Variants in OR9Q1 observed in about 807,000 individuals in gnomAD.
OR9Q1 encodes the protein olfactory receptor family 9 subfamily Q member 1, also known as olfactory receptor 9Q1.
For missense variants in OR9Q1, 374 were observed against 378.8 expected, an observed-to-expected ratio of 0.99 and a Z score of 0.11; for synonymous variants, 153 against 148.6, an observed-to-expected ratio of 1.03 and a Z score of -0.22.
At chr11:58,060,087 C>T (rs1853365984) in intron 2 of OR9Q1, 1 of 152,290 alleles carries the variant, frequency 6.6e-6, no homozygotes, top group African/African-American at 2.4e-5. Context: ...GTATTCATTT[C>T]TCCCTGCTTA....
At chr11:58,143,801 A>G (rs1854273588) in intron 2 of OR9Q1, among the ~76,000 whole-genome samples, 1 of 152,138 alleles carries the variant, frequency 6.6e-6, no homozygotes, top group African/African-American at 2.4e-5. Context: ...AACCACCATG[A>G]CACACATTTA....
chr11:58,119,766 G>A (rs1012855666), intron 2 of OR9Q1, among the ~76,000 whole-genome samples: 2 of 152,118 alleles, frequency 1.3e-5, no homozygotes, highest in African/African-American at 2.4e-5. Context: ...ATCTGGGGCT[G>A]GAGTCTCACT....
intron 2 of OR9Q1, chr11:58,078,173 A>C (rs1005214968): frequency 6.6e-6 from 1 of 152,236 alleles, no homozygotes; most frequent in Non-Finnish European, 1.5e-5. Flanking sequence ...AAGAAAAACA[A>C]CAACGACGAC....
At chr11:58,175,526 G>A (rs895336949) in intron 2 of OR9Q1, among the ~76,000 whole-genome samples, 16 of 152,104 alleles carry the variant, frequency 1.1e-4, no homozygotes, top group Non-Finnish European at 1.6e-4. Flanking sequence ...TATCCCCATA[G>A]TAGAGGGAAT....
chr11:58,170,867 T>A (rs762871180), intron 2 of OR9Q1, among the ~76,000 whole-genome samples: 1 of 152,210 alleles, frequency 6.6e-6, no homozygotes, highest in Non-Finnish European at 1.5e-5. Flanking sequence ...TATGTCTTTA[T>A]CAGCAGCATG....
At chr11:58,076,692 G>C (rs1011196863) in intron 2 of OR9Q1, among the ~76,000 whole-genome samples, 10 of 151,912 alleles carry the variant, frequency 6.6e-5, no homozygotes, top group African/African-American at 2.2e-4. Flanking sequence ...TCACTTTATT[G>C]CCAAGGCTGG....
intron 2 of OR9Q1, among the ~76,000 whole-genome samples, chr11:58,110,132 C>T (rs1478254331): frequency 1.3e-5 from 2 of 152,124 alleles, no homozygotes; most frequent in African/African-American, 4.8e-5. Flanking sequence ...TGGCAGAGCT[C>T]TTTATGTGAT....
chr11:58,153,565 T>C lies in OR9Q1; in HGVS notation c.-14-25866T>C, dbSNP rs545959650. Reference sequence around the variant, plus strand: ...ATGTGTTGCAAGAAATCTTTTTTTTTTTTTCCAAGAGAAATTTGAAAGTGA... The same window carrying C: ...ATGTGTTGCAAGAAATCTTTTTTTTCTTTTCCAAGAGAAATTTGAAAGTGA... On this transcript the variant is annotated intron_variant, in intron 2 of 2. Transcript: ENST00000335397. 6.6e-4 allele frequency among the ~76,000 whole-genome samples: 100 copies of C among 152,208 alleles called. 2 individuals are homozygous for C. The South Asian group carries it at 0.021, about 31-fold the overall frequency.
chr11:58,028,676 C>G (rs1180124247), intron 1 of OR9Q1, among the ~76,000 whole-genome samples: 1 of 152,096 alleles, frequency 6.6e-6, no homozygotes, highest in East Asian at 1.9e-4. Context: ...GTGGAAATTG[C>G]ATCCTGAAAT....
chr11:58,117,976 C>T (rs977940614), intron 2 of OR9Q1: 7 of 152,410 alleles, frequency 4.6e-5, no homozygotes, highest in African/African-American at 1.7e-4. Context: ...TCTCAAACTT[C>T]CTTCCCTTGG....
In OR9Q1 at chr11:58,108,206, T is replaced by C. The variant is rs561444540; in HGVS notation, c.-15+52259T>C. On this transcript the variant is annotated intron_variant, in intron 2 of 2. Coordinates refer to ENST00000335397, the MANE Select transcript of OR9Q1 (RefSeq NM_001005212.4). ...CTGATTAGAAATTTCACTGAGTTCA[T>C]AGGTTCTTTTCATTCACTTTATAGT... 5.1e-4 allele frequency among the ~76,000 whole-genome samples: 77 copies of C among 152,304 alleles called. 3 individuals carry two copies. The South Asian group carries it at 0.016, about 32-fold the overall frequency.
At chr11:58,096,152 T>C in intron 2 of OR9Q1, among the ~76,000 whole-genome samples, 1 of 142,178 alleles carries the variant, frequency 7.0e-6, no homozygotes, top group Non-Finnish European at 1.5e-5. Flanking sequence ...TCCTTTCCCT[T>C]TTTTTTTTTT....
chr11:58,142,035 A>T (rs1249624909), intron 2 of OR9Q1, among the ~76,000 whole-genome samples: 1 of 152,154 alleles, frequency 6.6e-6, no homozygotes, highest in Non-Finnish European at 1.5e-5. Context: ...TTGTGGCCAA[A>T]TGATGTATGC....
At chr11:58,046,278 T>TCC (rs933168595) in intron 1 of OR9Q1, among the ~76,000 whole-genome samples, 1 of 138,272 alleles carries the variant, frequency 7.2e-6, no homozygotes. Context: ...CTTTGTTCCC[T>TCC]CCTCTCAGGG....
chr11:58,168,080 A>T (rs1000679511), intron 2 of OR9Q1, among the ~76,000 whole-genome samples: 2 of 152,248 alleles, frequency 1.3e-5, no homozygotes, highest in Non-Finnish European at 2.9e-5. Context: ...TTGGACTTGA[A>T]TTAAAATAAT....
intron 2 of OR9Q1, among the ~76,000 whole-genome samples, chr11:58,106,035 ACT>A (rs1442585829): frequency 3.3e-5 from 5 of 151,624 alleles, no homozygotes; most frequent in Non-Finnish European, 7.4e-5. Flanking sequence ...TTTTGAGGAA[ACT>A]CTCTACTGTT....
chr11:58,142,733 A>G (rs955439431), intron 2 of OR9Q1, among the ~76,000 whole-genome samples: 16 of 152,334 alleles, frequency 1.1e-4, no homozygotes, highest in South Asian at 4.1e-4. Flanking sequence ...AAAGGCACAG[A>G]GATAGTATTT....
intron 2 of OR9Q1, among the ~76,000 whole-genome samples, chr11:58,155,917 TC>T (rs1446678727): frequency 0.011 from 870 of 82,550 alleles, 20 homozygotes; most frequent in African/African-American, 0.024. Context: ...TTCTTTTCCT[TC>T]CTTTTTTTTT....
rs61904023 is a variant in OR9Q1 at position 58,054,130 on chromosome 11, A to T, written c.-92-1740A>T. 2.8e-3 allele frequency among the ~76,000 whole-genome samples: 428 copies of T among 152,338 alleles called. 3 individuals carry two copies. Among genetic ancestry groups the T allele is most frequent in the Non-Finnish European group, 3.9e-3 (268 of 68,036 alleles). On this transcript the variant is annotated intron_variant, in intron 1 of 2. Transcript: ENST00000335397. ...TACATACAATTTTTATTTGTTAATT[A>T]TACCTGAATAAAGCTGAAAAAGAAA...
Sources: allele counts gnomAD v4.1 joint callset (sites outside exome capture counted in the v4.1 genomes callset), GRCh38; gene constraint gnomAD v4.1.1; transcripts MANE v1.5; gene names NCBI Gene and HGNC (gene_info 2026-07-23, HGNC 2026-07-21).